The following ADD2 variants were observed in gnomAD, a reference collection of about 807,000 sequenced individuals.
ADD2 encodes beta-adducin.
ADD2 carries 23 observed loss-of-function variants against 83.0 expected under a neutral mutation model. That is an observed-to-expected ratio of 0.28 (90% CI 0.20 to 0.39). The LOEUF is 0.39. ADD2 is among the 10% of genes least tolerant of loss of function. The pLI, the probability that ADD2 is intolerant of heterozygous loss-of-function variation, is 1.00. For synonymous variants in ADD2, 375 were observed against 375.4 expected (o/e 1.00, Z 0.01); for missense variants, 758 against 944.9 (o/e 0.80, Z 2.59).
At position 70,752,645 on chromosome 2, in the gene ADD2, T is replaced by C. The variant is rs1343736047; in HGVS notation, c.-154+15241A>G. Among the ~76,000 whole-genome samples, 7 of 152,246 alleles carry C rather than the reference T, an allele frequency of 4.6e-5. No homozygotes were observed. The East Asian group carries it at 1.4e-3, about 29-fold the overall frequency. On this transcript the variant is annotated intron_variant, in intron 1 of 15. Transcript: ENST00000264436. Reference sequence around the variant, plus strand: ...AAATCTTTGGCTTGTGCAACTGGGATGATGACACAAGGAAAATGCAGAGAG... The same window carrying C: ...AAATCTTTGGCTTGTGCAACTGGGACGATGACACAAGGAAAATGCAGAGAG...
chr2:70,689,104 A>C (rs1670893707), intron 8 of ADD2, among the ~76,000 whole-genome samples: 1 of 151,924 alleles, frequency 6.6e-6, no homozygotes, highest in African/African-American at 2.4e-5. Flanking sequence ...TCAAAAAAAA[A>C]CCAAAAACGG....
At chr2:70,697,531 G>C (rs1205980320) in intron 4 of ADD2, among the ~76,000 whole-genome samples, 1 of 152,094 alleles carries the variant, frequency 6.6e-6, no homozygotes, top group Non-Finnish European at 1.5e-5. Flanking sequence ...ACTAATAAGA[G>C]AATCAATAGG....
At position 70,658,768 on chromosome 2, in the gene ADD2, A is replaced by C. The variant is rs1675441667; in HGVS notation, c.*4657T>G. ...CTGACCTGCATGTGTAAAATGAGTA[A>C]GGGGTAAATGTTCTCTCATTTGTTC... is the stretch of plus-strand genomic sequence containing the variant. On this transcript the variant is annotated 3_prime_UTR_variant, in exon 16 of 16. Coordinates refer to ENST00000264436, the MANE Select transcript of ADD2 (RefSeq NM_001617.4). The C allele has an allele frequency of 6.6e-6, 1 of 152,216 alleles. No homozygotes were observed. Among genetic ancestry groups the C allele is most frequent in the Non-Finnish European group, 1.5e-5 (1 of 68,028 alleles). The allele number at this position is 152,216 out of a possible 1,614,324, so 9.4% of individuals were successfully genotyped here.
chr2:70,768,117 A>G lies in ADD2; in HGVS notation c.-385T>C, dbSNP rs1451215607. 5 of 742,276 alleles carry G rather than the reference A, an allele frequency of 6.7e-6. No individual in the cohort carries two copies. The East Asian group carries it at 8.2e-5, about 12-fold the overall frequency. 46.0% of individuals were successfully genotyped at this position (742,276 alleles called of 1,614,324 possible). A position where few individuals can be genotyped will look rare whatever the true frequency, so the allele number is the denominator to read the frequency against. On this transcript the variant is annotated 5_prime_UTR_variant, in exon 1 of 16. Coordinates refer to ENST00000264436, the MANE Select transcript of ADD2 (RefSeq NM_001617.4). Reference sequence around the variant, plus strand: ...GCCACCGACGCCGCAGTTCCTTGACAAAAGGCTCGGGTTCCCGCTAGTCCC... The same window carrying G: ...GCCACCGACGCCGCAGTTCCTTGACGAAAGGCTCGGGTTCCCGCTAGTCCC...
chr2:70,717,057 C>G (rs1252735486), intron 1 of ADD2, among the ~76,000 whole-genome samples: 3 of 152,104 alleles, frequency 2.0e-5, no homozygotes, highest in Non-Finnish European at 1.5e-5. Context: ...CCTTGAGCAC[C>G]CCCTCACCTC....
intron 1 of ADD2, among the ~76,000 whole-genome samples, chr2:70,742,342 C>G (rs1574312388): frequency 1.3e-5 from 2 of 152,164 alleles, no homozygotes; most frequent in African/African-American, 4.8e-5. Context: ...ATTCACTGGG[C>G]CCAGTGACAC....
intron 2 of ADD2, among the ~76,000 whole-genome samples, chr2:70,711,534 A>G (rs954882996): frequency 1.1e-4 from 17 of 152,108 alleles, no homozygotes; most frequent in Non-Finnish European, 2.1e-4. Flanking sequence ...ATGCCCCTTG[A>G]TTTTTAAAAA....
chr2:70,711,355 G>A (rs1553375413), intron 2 of ADD2: 1 of 152,020 alleles, frequency 6.6e-6, no homozygotes, highest in East Asian at 1.9e-4. Flanking sequence ...ATAGGCCCTT[G>A]GTTTCAAGGA....
chr2:70,717,293 G>A (rs1292234051), intron 1 of ADD2, among the ~76,000 whole-genome samples: 1 of 152,192 alleles, frequency 6.6e-6, no homozygotes, highest in Non-Finnish European at 1.5e-5. Flanking sequence ...ACTGGAGTAT[G>A]AAATCACATT....
At chr2:70,672,800 C>G in intron 15 of ADD2, 78 bp downstream of exon 15, 1 of 1,480,404 alleles carries the variant, frequency 6.8e-7, no homozygotes, top group South Asian at 1.3e-5. Flanking sequence ...AGGGGCAACA[C>G]GAGTGGAAGG....
rs782237228 is a variant in ADD2 at position 70,663,596 on chromosome 2, G to A, written c.2010C>T (p.Thr670=). The change falls in exon 16 of 16, where the codon ACC becomes ACT. Residue 670 remains threonine, a synonymous_variant. Coordinates refer to ENST00000264436, the MANE Select transcript of ADD2 (RefSeq NM_001617.4). ...TATCAACATCCGTGTCAGCACTGGTGGTCATCTGGCTCAGGCCTTTGCTGA... is the reference window on the plus strand; with the variant it reads ...TATCAACATCCGTGTCAGCACTGGTAGTCATCTGGCTCAGGCCTTTGCTGA... The part of the protein sequence containing the change: ...EILSKGLSQM[T]TSADTDVDTS... The A allele has an allele frequency of 1.2e-6, 2 of 1,614,148 alleles. No individual in the cohort carries two copies. Among genetic ancestry groups the A allele is most frequent in the South Asian group, 2.2e-5 (2 of 91,074 alleles).
intron 14 of ADD2, chr2:70,673,463 T>C (rs1453353893): frequency 1.5e-6 from 1 of 656,690 alleles, no homozygotes; most frequent in African/African-American, 1.8e-5. Flanking sequence ...TTTCTTTGCA[T>C]GTAACTATTG....
intron 1 of ADD2, among the ~76,000 whole-genome samples, chr2:70,715,058 T>A (rs1672395058): frequency 6.6e-6 from 1 of 152,168 alleles, no homozygotes; most frequent in Non-Finnish European, 1.5e-5. Context: ...CTAATTAAAA[T>A]GAAAATAGTC....
intron 1 of ADD2, among the ~76,000 whole-genome samples, chr2:70,765,897 T>C (rs2104574516): frequency 6.6e-6 from 1 of 152,326 alleles, no homozygotes; most frequent in African/African-American, 2.4e-5. Flanking sequence ...CTATCTTAAA[T>C]CCCTTGTGGA....
intron 1 of ADD2, among the ~76,000 whole-genome samples, chr2:70,727,181 T>C (rs1673049761): frequency 6.6e-6 from 1 of 152,202 alleles, no homozygotes; most frequent in South Asian, 2.1e-4. Flanking sequence ...GTGCCATTTC[T>C]TTCAGGACAA....
chr2:70,736,451 T>C (rs1183441076), intron 1 of ADD2, among the ~76,000 whole-genome samples: 1 of 152,236 alleles, frequency 6.6e-6, no homozygotes, highest in African/African-American at 2.4e-5. Context: ...AAACTTATGA[T>C]AGCTCCTCAC....
rs1002706525 is a variant in ADD2 at position 70,676,618 on chromosome 2, C to T, written c.1593+178G>A. ...CAGGGGCCATCAGACATTGTCCTCC[C>T]TGGTCCTCACAGCACCCCTGTGAGG... On this transcript the variant is annotated intron_variant, in intron 13 of 15. Coordinates refer to ENST00000264436, the MANE Select transcript of ADD2 (RefSeq NM_001617.4). This position sits in a 1 kb window ranked among gnomAD's most constrained non-coding sequence, Gnocchi z 4.8. 7 of 1,454,604 alleles carry T rather than the reference C, an allele frequency of 4.8e-6. No individual in the cohort carries two copies. Among genetic ancestry groups the T allele is most frequent in the Non-Finnish European group, 5.5e-6 (6 of 1,096,962 alleles). The allele number at this position is 1,454,604 out of a possible 1,614,324, so 90.1% of individuals were successfully genotyped here.
At chr2:70,765,367 C>G (rs1161088954) in intron 1 of ADD2, among the ~76,000 whole-genome samples, 1 of 152,136 alleles carries the variant, frequency 6.6e-6, no homozygotes, top group African/African-American at 2.4e-5. Context: ...AAATATAAAA[C>G]ATAAAAAATA....
In ADD2 at chr2:70,695,808, G is replaced by A; in HGVS notation, c.475-7C>T. ...GCTCCTTGCTGACTCTCAACTGGAGGAAAGACACAAGTTCTCAGGGGCAAG... is the reference window on the plus strand; with the variant it reads ...GCTCCTTGCTGACTCTCAACTGGAGAAAAGACACAAGTTCTCAGGGGCAAG... On this transcript the variant is annotated splice_region_variant and splice_polypyrimidine_tract_variant and intron_variant, in intron 5 of 15. Transcript: ENST00000264436. The A allele has an allele frequency of 6.2e-7, 1 of 1,613,588 alleles. No homozygotes were observed. The highest frequency in any genetic ancestry group is 1.3e-5 in the African/African-American group (1 of 75,014).
Sources: allele counts gnomAD v4.1 joint callset (sites outside exome capture counted in the v4.1 genomes callset), GRCh38; gene constraint gnomAD v4.1.1; non-coding constraint Gnocchi (gnomAD v3.1); transcripts MANE v1.5; gene names NCBI Gene and HGNC (gene_info 2026-07-23, HGNC 2026-07-21).